Variants in ETV6 observed in about 807,000 individuals in gnomAD.
The protein encoded by ETV6 is ETS variant transcription factor 6.
Under a neutral mutation model 51.1 loss-of-function variants are expected in ETV6, and 16 were observed. That is an observed-to-expected ratio of 0.31 (90% CI 0.21 to 0.48). The LOEUF is 0.48. Ranked by LOEUF, ETV6 falls within the 20% of genes least tolerant of loss-of-function variation. ETV6 has a pLI of 0.99. For synonymous variants in ETV6, 240 were observed against 224.1 expected, an observed-to-expected ratio of 1.07 and a Z score of -0.64; for missense variants, 458 against 594.8, an observed-to-expected ratio of 0.77 and a Z score of 2.39.
At chr12:11,653,429 G>A (rs144856772) in intron 1 of ETV6, among the ~76,000 whole-genome samples, 37 of 152,276 alleles carry the variant, frequency 2.4e-4, no homozygotes, top group African/African-American at 8.2e-4. Flanking sequence ...CCTGCTGTCC[G>A]TATCAGTCAG....
chr12:11,753,240 G>A (rs1258749307), intron 2 of ETV6, among the ~76,000 whole-genome samples: 1 of 152,050 alleles, frequency 6.6e-6, no homozygotes, highest in Non-Finnish European at 1.5e-5. Flanking sequence ...CCCCGTCTCA[G>A]TCCTCAGCTG....
intron 5 of ETV6, among the ~76,000 whole-genome samples, chr12:11,882,320 T>C (rs150303914): frequency 6.6e-6 from 1 of 152,358 alleles, no homozygotes; most frequent in East Asian, 1.9e-4. Context: ...TACTTTGTTC[T>C]GGAAAGTCCT....
intron 1 of ETV6, among the ~76,000 whole-genome samples, chr12:11,719,233 C>T (rs1036848576): frequency 6.6e-6 from 1 of 152,210 alleles, no homozygotes; most frequent in Non-Finnish European, 1.5e-5. Flanking sequence ...CATCTCAAGT[C>T]AGGAGGCACT....
chr12:11,840,435 C>A (rs943044872), intron 3 of ETV6: 1 of 456,000 alleles, frequency 2.2e-6, no homozygotes. Context: ...TACTCAAGGC[C>A]CTCCTTTTAC....
At chr12:11,707,218 GA>G (rs1224398296) in intron 1 of ETV6, among the ~76,000 whole-genome samples, 2 of 151,678 alleles carry the variant, frequency 1.3e-5, no homozygotes, top group African/African-American at 4.8e-5. Context: ...TGTTGGAGAG[GA>G]AAAAAAATCA....
intron 2 of ETV6, among the ~76,000 whole-genome samples, chr12:11,814,109 T>G (rs1945955687): frequency 6.6e-6 from 1 of 152,202 alleles, no homozygotes; most frequent in Non-Finnish European, 1.5e-5. Flanking sequence ...CATTTTATAT[T>G]TTACCAGTAC....
At chr12:11,652,428 G>C (rs964318134) in intron 1 of ETV6, among the ~76,000 whole-genome samples, 10 of 152,214 alleles carry the variant, frequency 6.6e-5, no homozygotes, top group Admixed American at 1.3e-4. Flanking sequence ...AATAAAAAAT[G>C]TTTGCTGGTA....
rs575402633 is a variant in ETV6 at position 11,724,819 on chromosome 12, G to A, written c.34-27631G>A. Among the ~76,000 whole-genome samples, 3 of 152,306 alleles carry A rather than the reference G, an allele frequency of 2.0e-5. No homozygotes were observed. The South Asian group carries it at 6.2e-4, about 32-fold the overall frequency. ...GAGGTCCTTGCACGAGACCCTTGCA[G>A]GTTTCCCAAATCTATTTGGACTGGG... On this transcript the variant is annotated intron_variant, in intron 1 of 7. Transcript: ENST00000396373.
At position 11,893,413 on chromosome 12, in the gene ETV6, A is replaced by G. The variant is rs1048179640; in HGVS notation, c.*2367A>G. 65 of 231,986 alleles carry G rather than the reference A, an allele frequency of 2.8e-4. No homozygotes were observed. Among genetic ancestry groups the G allele is most frequent in the African/African-American group, 1.3e-3 (58 of 45,392 alleles). 14.4% of individuals were successfully genotyped at this position (231,986 alleles called of 1,614,324 possible). A position where few individuals can be genotyped will look rare whatever the true frequency, so the allele number is the denominator to read the frequency against. ...ATTCCCTTTTGCCCCAAGCATTTCT[A>G]TATTTAAAGCAATATCCCAGGAGAA... On this transcript the variant is annotated 3_prime_UTR_variant, in exon 8 of 8. Transcript: ENST00000396373.
intron 2 of ETV6, among the ~76,000 whole-genome samples, chr12:11,812,991 C>T (rs1470548969): frequency 6.6e-6 from 1 of 152,186 alleles, no homozygotes; most frequent in Non-Finnish European, 1.5e-5. Flanking sequence ...TGCGGTGACC[C>T]GGTGCTGGGG....
intron 1 of ETV6, among the ~76,000 whole-genome samples, chr12:11,687,487 C>G (rs567664078): frequency 6.6e-6 from 1 of 152,132 alleles, no homozygotes; most frequent in Non-Finnish European, 1.5e-5. Flanking sequence ...CGCCACACCC[C>G]CTTTTTTTCT....
chr12:11,806,781 G>A lies in ETV6; in HGVS notation c.164-32359G>A, dbSNP rs1591686890. On this transcript the variant is annotated intron_variant, in intron 2 of 7. Coordinates refer to ENST00000396373, the MANE Select transcript of ETV6 (RefSeq NM_001987.5). Reference sequence around the variant, plus strand: ...TGTAGGGATAAATAGCAAGTTTCAGGCCCCTGCATTTATTGGCACTTACGT... The same window carrying A: ...TGTAGGGATAAATAGCAAGTTTCAGACCCCTGCATTTATTGGCACTTACGT... Among the ~76,000 whole-genome samples the A allele has an allele frequency of 2.0e-5, 3 of 152,144 alleles. No individual in the cohort carries two copies. In the East Asian group the frequency reaches 5.8e-4, roughly 29 times the overall value.
chr12:11,871,433 G>A (rs961718005), intron 5 of ETV6, among the ~76,000 whole-genome samples: 5 of 151,868 alleles, frequency 3.3e-5, no homozygotes, highest in Admixed American at 6.6e-5. Flanking sequence ...CTCGCGATCC[G>A]CCTGCGTCGG....
chr12:11,860,064 C>A lies in ETV6; in HGVS notation c.463+6503C>A, dbSNP rs138583794. Among the ~76,000 whole-genome samples, 832 of 152,240 alleles carry A rather than the reference C, an allele frequency of 5.5e-3. 5 individuals are homozygous for A. The highest frequency in any genetic ancestry group is 0.019 in the African/African-American group (801 of 41,528). ...GAACTGTGGGTTCTGAGCCAGGCAC[C>A]GGCTTCTGAGAGCAGACACACTGGC... On this transcript the variant is annotated intron_variant, in intron 4 of 7. Transcript: ENST00000396373.
chr12:11,757,016 A>G (rs560529272), intron 2 of ETV6, among the ~76,000 whole-genome samples: 141 of 152,304 alleles, frequency 9.3e-4, no homozygotes, highest in African/African-American at 3.1e-3. Context: ...CCTGTGAATT[A>G]TATTTAAAAA....
chr12:11,888,353 A>C (rs1030818260), intron 7 of ETV6, among the ~76,000 whole-genome samples: 2 of 149,856 alleles, frequency 1.3e-5, no homozygotes, highest in Non-Finnish European at 3.0e-5. Flanking sequence ...GGTTTCCTGG[A>C]GCCCTTAACT....
At chr12:11,730,680 C>A (rs573580061) in intron 1 of ETV6, among the ~76,000 whole-genome samples, 1 of 152,338 alleles carries the variant, frequency 6.6e-6, no homozygotes, top group Admixed American at 6.5e-5. Flanking sequence ...CAACTCTCTC[C>A]ACCGCAGAAT....
At chr12:11,873,631 T>C (rs1454896315) in intron 5 of ETV6, among the ~76,000 whole-genome samples, 1 of 112,624 alleles carries the variant, frequency 8.9e-6, no homozygotes. Flanking sequence ...GATCACAAAA[T>C]GAAGCTAAAT....
At chr12:11,834,643 C>G (rs1360545609) in intron 2 of ETV6, among the ~76,000 whole-genome samples, 1 of 152,170 alleles carries the variant, frequency 6.6e-6, no homozygotes, top group African/African-American at 2.4e-5. Context: ...TATAACTTTT[C>G]CAAGAATTAG....
Sources: allele counts gnomAD v4.1 joint callset (sites outside exome capture counted in the v4.1 genomes callset), GRCh38; gene constraint gnomAD v4.1.1; transcripts MANE v1.5; gene names NCBI Gene and HGNC (gene_info 2026-07-23, HGNC 2026-07-21).